CPEB1: variants seen among roughly 807,000 people sequenced by gnomAD.
CPEB1 encodes the protein cytoplasmic polyadenylation element binding protein 1.
CPEB1 carries 7 observed loss-of-function variants against 65.8 expected under a neutral mutation model. The observed-to-expected ratio is 0.11, with a 90% CI of 0.06 to 0.20. The LOEUF is 0.20. Ranked by LOEUF, CPEB1 falls within the 10% of genes least tolerant of loss-of-function variation. The probability of loss-of-function intolerance (pLI) is 1.00; values close to 1 mark genes in which losing one functional copy is unlikely to be tolerated. For missense variants in CPEB1, 551 were observed against 712.2 expected (o/e 0.77, Z 2.58); for synonymous variants, 262 against 260.0 (o/e 1.01, Z -0.08).
At chr15:82,573,346 T>C (rs2040295365) in intron 3 of CPEB1, 2 of 603,044 alleles carry the variant, frequency 3.3e-6, no homozygotes, top group Non-Finnish European at 2.8e-6. Context: ...TTGTTCATCA[T>C]GGCAAAGGCC....
intron 1 of CPEB1, chr15:82,630,099 T>C: frequency 1.0e-6 from 1 of 985,396 alleles, no homozygotes; most frequent in Non-Finnish European, 1.2e-6. Flanking sequence ...AAGGCTAAGA[T>C]GCAAAGATTT....
chr15:82,577,642 G>A (rs2040808675), intron 3 of CPEB1, among the ~76,000 whole-genome samples: 1 of 151,990 alleles, frequency 6.6e-6, no homozygotes, highest in Non-Finnish European at 1.5e-5. Flanking sequence ...AGCCTCCCAA[G>A]TAGCTGGGAC....
chr15:82,586,203 A>T (rs909397396), intron 3 of CPEB1, among the ~76,000 whole-genome samples: 9 of 151,798 alleles, frequency 5.9e-5, no homozygotes, highest in African/African-American at 1.9e-4. Flanking sequence ...TGGAATGTTA[A>T]TCTAATTTGA....
At chr15:82,588,870 G>A (rs2042007777) in intron 3 of CPEB1, among the ~76,000 whole-genome samples, 1 of 152,156 alleles carries the variant, frequency 6.6e-6, no homozygotes, top group African/African-American at 2.4e-5. Flanking sequence ...ATGGGATTCT[G>A]AGCTGAAGGA....
At position 82,552,667 on chromosome 15, in the gene CPEB1, C is replaced by T. The variant is rs1307376365; in HGVS notation, c.1145-51G>A. 1.9e-6 allele frequency: 3 copies of T among 1,598,092 alleles called. No homozygotes were observed. The African/African-American group carries it at 4.0e-5, about 21-fold the overall frequency. On this transcript the variant is annotated intron_variant, in intron 8 of 12. Transcript: ENST00000684509. The stretch of plus-strand genomic sequence containing the variant: ...CATTAATATCCCTTAGGTGGCCACT[C>T]CTCAGCCTTGGCTTTGCAGCAGGGC...
At chr15:82,638,795 GC>G (rs1178912855) in intron 1 of CPEB1, among the ~76,000 whole-genome samples, 1 of 152,180 alleles carries the variant, frequency 6.6e-6, no homozygotes, top group Admixed American at 6.5e-5. Flanking sequence ...ATATTCAAGG[GC>G]TGAGATGTAA....
intron 1 of CPEB1, among the ~76,000 whole-genome samples, chr15:82,645,152 C>T (rs1365336229): frequency 1.3e-5 from 2 of 152,108 alleles, no homozygotes; most frequent in African/African-American, 4.8e-5. Flanking sequence ...GGGGGGAAAC[C>T]AAGTTTTGTT....
chr15:82,560,270 A>G (rs117402296), intron 4 of CPEB1, among the ~76,000 whole-genome samples: 2,683 of 152,340 alleles, frequency 0.018, 31 homozygotes, highest in Non-Finnish European at 0.025. Flanking sequence ...AGTGGTACCA[A>G]TGCCCTGGAG....
chr15:82,632,813 G>A (rs2046374492), intron 1 of CPEB1, among the ~76,000 whole-genome samples: 1 of 152,010 alleles, frequency 6.6e-6, no homozygotes. Context: ...ACAGGCATGA[G>A]CTACCACATC....
intron 3 of CPEB1, among the ~76,000 whole-genome samples, chr15:82,603,290 G>A (rs1158826488): frequency 1.3e-5 from 2 of 151,780 alleles, no homozygotes; most frequent in Admixed American, 1.3e-4. Flanking sequence ...CCACTTATGT[G>A]GTTGTATTTG....
chr15:82,557,545 G>C lies in CPEB1; in HGVS notation c.687+215C>G, dbSNP rs1475886368. 5 of 513,362 alleles carry C rather than the reference G, an allele frequency of 9.7e-6. No individual in the cohort carries two copies. In the Admixed American group the frequency reaches 1.1e-4, roughly 11 times the overall value. 31.8% of individuals were successfully genotyped at this position (513,362 alleles called of 1,614,324 possible). A position where few individuals can be genotyped will look rare whatever the true frequency, so the allele number is the denominator to read the frequency against. ...AATGAGAGTCCTGAGCTCAGGTCCT[G>C]CAATGTATTGCTCAATGGGTCTTCA... On this transcript the variant is annotated intron_variant, in intron 5 of 12. Transcript: ENST00000684509.
chr15:82,614,844 TATAA>T (rs2044543543), intron 3 of CPEB1, among the ~76,000 whole-genome samples: 1 of 136,634 alleles, frequency 7.3e-6, no homozygotes, highest in Non-Finnish European at 1.6e-5. Flanking sequence ...CTCTTTAAAA[TATAA>T]GTGTGTGTGT....
intron 10 of CPEB1, among the ~76,000 whole-genome samples, chr15:82,547,899 C>T (rs1345124046): frequency 6.6e-6 from 1 of 152,100 alleles, no homozygotes; most frequent in African/African-American, 2.4e-5. Context: ...TCTTGAACTC[C>T]TGGACTCAAA....
chr15:82,567,649 A>G (rs900117551), intron 4 of CPEB1, among the ~76,000 whole-genome samples: 1 of 151,948 alleles, frequency 6.6e-6, no homozygotes, highest in Non-Finnish European at 1.5e-5. Flanking sequence ...AAAAAAAAGA[A>G]AAGAAAAGAA....
chr15:82,613,867 C>T (rs1445392062), intron 3 of CPEB1, among the ~76,000 whole-genome samples: 2 of 151,944 alleles, frequency 1.3e-5, no homozygotes, highest in East Asian at 1.9e-4. Flanking sequence ...CCGCCCCGCT[C>T]CCCCCTCAAT....
At chr15:82,573,167 C>T (rs1278398991) in intron 3 of CPEB1, 12 of 1,534,354 alleles carry the variant, frequency 7.8e-6, no homozygotes, top group East Asian at 4.9e-5. Flanking sequence ...TCCTGCAGTA[C>T]ACCCTGTGTC....
chr15:82,585,287 A>C (rs1373498937), intron 3 of CPEB1, among the ~76,000 whole-genome samples: 1 of 152,200 alleles, frequency 6.6e-6, no homozygotes, highest in Non-Finnish European at 1.5e-5. Flanking sequence ...CTACGTTTGG[A>C]AACTAGACCA....
At chr15:82,629,381 A>T (rs1320355236) in intron 1 of CPEB1, 1 of 985,386 alleles carries the variant, frequency 1.0e-6, no homozygotes, top group Non-Finnish European at 1.2e-6. Flanking sequence ...GGTCATTATT[A>T]GTACATACAA....
intron 3 of CPEB1, among the ~76,000 whole-genome samples, chr15:82,606,243 G>A (rs1016923286): frequency 1.3e-5 from 2 of 151,354 alleles, no homozygotes; most frequent in African/African-American, 2.4e-5. Flanking sequence ...CGAGGCAGGC[G>A]GATCACTTGA....
Sources: allele counts gnomAD v4.1 joint callset (sites outside exome capture counted in the v4.1 genomes callset), GRCh38; gene constraint gnomAD v4.1.1; transcripts MANE v1.5; gene names NCBI Gene and HGNC (gene_info 2026-07-23, HGNC 2026-07-21).